Variants in RELN observed in about 807,000 individuals in gnomAD.
RELN encodes the protein reelin.
Under a neutral mutation model 427.6 loss-of-function variants are expected in RELN, and 108 were observed. The ratio of observed to expected loss-of-function variants is 0.25; its 90% CI spans 0.22 to 0.30. The LOEUF (loss-of-function observed/expected upper bound fraction) is 0.30. Among genes scored for constraint, RELN ranks in the 10% least tolerant of loss-of-function variants. The pLI, the probability that RELN is intolerant of heterozygous loss-of-function variation, is 1.00. For missense variants in RELN, 3,715 were observed against 4,302.8 expected (o/e 0.86, Z 3.82); for synonymous variants, 1,524 against 1,513.4 (o/e 1.01, Z -0.16).
At chr7:103,958,906 G>T (rs1248980352) in intron 1 of RELN, among the ~76,000 whole-genome samples, 1 of 152,192 alleles carries the variant, frequency 6.6e-6, no homozygotes, top group Non-Finnish European at 1.5e-5. Context: ...AAATAGATTT[G>T]AAGATGGAGA....
chr7:103,702,639 A>G (rs1241440016), intron 8 of RELN, among the ~76,000 whole-genome samples: 2 of 152,184 alleles, frequency 1.3e-5, no homozygotes, highest in African/African-American at 4.8e-5. Flanking sequence ...CTAGAAAACA[A>G]AAACGCACCC....
intron 1 of RELN, among the ~76,000 whole-genome samples, chr7:103,917,919 C>T (rs1398365649): frequency 6.6e-6 from 1 of 152,048 alleles, no homozygotes; most frequent in African/African-American, 2.4e-5. Flanking sequence ...ACCATAATTT[C>T]CTGCTTGACG....
At chr7:103,783,675 G>C (rs1272972042) in intron 3 of RELN, among the ~76,000 whole-genome samples, 1 of 152,142 alleles carries the variant, frequency 6.6e-6, no homozygotes, top group Non-Finnish European at 1.5e-5. Flanking sequence ...TGTGATCAAA[G>C]TGTACTTTTT....
At chr7:103,705,966 T>C (rs1441560942) in intron 8 of RELN, among the ~76,000 whole-genome samples, 1 of 152,210 alleles carries the variant, frequency 6.6e-6, no homozygotes, top group Non-Finnish European at 1.5e-5. Flanking sequence ...AATTTATTTA[T>C]CCCAGAAAAA....
At chr7:103,984,353 C>T (rs1797053714) in intron 1 of RELN, among the ~76,000 whole-genome samples, 1 of 152,078 alleles carries the variant, frequency 6.6e-6, no homozygotes, top group East Asian at 1.9e-4. Flanking sequence ...TACAACATTA[C>T]CATTTTATTA....
intron 51 of RELN, among the ~76,000 whole-genome samples, chr7:103,506,473 G>A (rs529766778): frequency 2.0e-5 from 3 of 152,270 alleles, no homozygotes; most frequent in East Asian, 3.9e-4. Flanking sequence ...CTTCATAAGC[G>A]AAGGATAAAT....
chr7:103,636,537 G>T, intron 17 of RELN, 69 bp from the exon 18 acceptor site: 5 of 1,033,148 alleles, frequency 4.8e-6, no homozygotes, highest in Non-Finnish European at 7.4e-6. Context: ...ATCTACTTTG[G>T]GGAGGAAGAA....
intron 1 of RELN, among the ~76,000 whole-genome samples, chr7:103,977,626 T>C (rs1267302674): frequency 1.3e-5 from 2 of 152,164 alleles, no homozygotes; most frequent in African/African-American, 2.4e-5. Flanking sequence ...TTCATCCCAA[T>C]TGTGAGACCA....
chr7:103,870,631 G>T (rs779088811), intron 2 of RELN, among the ~76,000 whole-genome samples: 2 of 152,072 alleles, frequency 1.3e-5, no homozygotes, highest in Non-Finnish European at 2.9e-5. Context: ...ATCTCAGCTA[G>T]ATGCCCAGAG....
chr7:103,484,340 G>A, intron 61 of RELN: 1 of 182,776 alleles, frequency 5.5e-6, no homozygotes, highest in Non-Finnish European at 1.2e-5. Context: ...GGGGAGCGTA[G>A]CTACTTGTAT....
intron 3 of RELN, among the ~76,000 whole-genome samples, chr7:103,833,092 CAT>C (rs1289646140): frequency 2.0e-5 from 3 of 152,032 alleles, no homozygotes; most frequent in East Asian, 3.9e-4. Context: ...TCCATTACAT[CAT>C]ATGTCTTTTT....
chr7:103,845,966 A>G (rs1793664781), intron 2 of RELN, among the ~76,000 whole-genome samples: 1 of 152,224 alleles, frequency 6.6e-6, no homozygotes, highest in Non-Finnish European at 1.5e-5. Flanking sequence ...ATGCTCATGG[A>G]TAGGAAAGAT....
At chr7:103,946,179 A>C (rs1480645776) in intron 1 of RELN, among the ~76,000 whole-genome samples, 1 of 152,226 alleles carries the variant, frequency 6.6e-6, no homozygotes, top group African/African-American at 2.4e-5. Flanking sequence ...ACTTAATGAT[A>C]GTAGAACACC....
At chr7:103,899,036 G>A (rs1795023237) in intron 2 of RELN, among the ~76,000 whole-genome samples, 1 of 151,942 alleles carries the variant, frequency 6.6e-6, no homozygotes, top group Admixed American at 6.6e-5. Flanking sequence ...AAGATAGATA[G>A]ACCACTAGCC....
intron 2 of RELN, among the ~76,000 whole-genome samples, chr7:103,909,322 G>A (rs1795286522): frequency 6.6e-6 from 1 of 151,740 alleles, no homozygotes; most frequent in African/African-American, 2.4e-5. Flanking sequence ...TAGCATACAG[G>A]CCCTGCATTT....
At chr7:103,478,769 A>C (rs984517279) in intron 63 of RELN, among the ~76,000 whole-genome samples, 3 of 152,288 alleles carry the variant, frequency 2.0e-5, no homozygotes, top group South Asian at 4.1e-4. Flanking sequence ...TAATTCCTGA[A>C]TATATTAAGG....
At position 103,708,850 on chromosome 7, in the gene RELN, A is replaced by G. The variant is rs151209762; in HGVS notation, c.806-7844T>C. On this transcript the variant is annotated intron_variant, in intron 8 of 64. Coordinates refer to ENST00000428762, the MANE Select transcript of RELN (RefSeq NM_005045.4). ...CAGAGGCCTTACCCTGGCCACCTCT[A>G]ATAAAATGCTAACCCCGTCACTCGT... 2.3e-3 allele frequency among the ~76,000 whole-genome samples: 350 copies of G among 152,214 alleles called. 3 individuals carry two copies. The highest frequency in any genetic ancestry group is 8.0e-3 in the African/African-American group (333 of 41,528).
At chr7:103,601,987 C>T (rs768171360) in intron 24 of RELN, among the ~76,000 whole-genome samples, 8 of 152,184 alleles carry the variant, frequency 5.3e-5, no homozygotes, top group Non-Finnish European at 1.0e-4. Flanking sequence ...CAAACCAAGT[C>T]AGAGTAGGAC....
chr7:103,863,434 A>G (rs1794119122), intron 2 of RELN, among the ~76,000 whole-genome samples: 1 of 152,164 alleles, frequency 6.6e-6, no homozygotes. Flanking sequence ...CATTAGTGAG[A>G]GAGAACAAAC....
Sources: allele counts gnomAD v4.1 joint callset (sites outside exome capture counted in the v4.1 genomes callset), GRCh38; gene constraint gnomAD v4.1.1; transcripts MANE v1.5; gene names NCBI Gene and HGNC (gene_info 2026-07-23, HGNC 2026-07-21).